GPM6B: variants seen among roughly 807,000 people sequenced by gnomAD.
The protein encoded by GPM6B is neuronal membrane glycoprotein M6-b.
In GPM6B, 4 loss-of-function variants were observed where a neutral mutation model predicts 27.2. The ratio of observed to expected loss-of-function variants is 0.15; its 90% CI spans 0.07 to 0.34. The LOEUF (loss-of-function observed/expected upper bound fraction) is 0.34. GPM6B is among the 10% of genes least tolerant of loss of function. The pLI is 1.00. For synonymous variants in GPM6B, 124 were observed against 103.1 expected (o/e 1.20, Z -1.23); for missense variants, 183 against 261.9 (o/e 0.70, Z 2.08).
intron 1 of GPM6B, among the ~76,000 whole-genome samples, chrX:13,854,876 TCAAC>T (rs2049762397): frequency 8.9e-6 from 1 of 111,863 alleles, no homozygotes; most frequent in East Asian, 2.8e-4. Flanking sequence ...CCAACCTCTC[TCAAC>T]CAATTTTAAC....
chrX:13,825,493 G>A (rs936782383), intron 1 of GPM6B, among the ~76,000 whole-genome samples: 2 of 112,345 alleles, frequency 1.8e-5, no homozygotes, highest in African/African-American at 6.5e-5. Context: ...AAAGATCCAG[G>A]ACAGGGCCCT....
chrX:13,776,905 T>C (rs1159603730), intron 6 of GPM6B, among the ~76,000 whole-genome samples: 1 of 111,632 alleles, frequency 9.0e-6, no homozygotes, highest in Non-Finnish European at 1.9e-5. Flanking sequence ...TGTGGCCTCA[T>C]TTATTAAAAG....
rs554376732 is a variant in GPM6B at position 13,779,855 on chromosome X, C to T, written c.660G>A (p.Thr220=). The change falls in exon 5 of 8, where the codon ACG becomes ACA. Residue 220 remains threonine, a synonymous_variant. Transcript: ENST00000316715. Reference sequence around the variant, plus strand: ...TATCCACACAGATCTGCTCCACACCCGTGGTCCCGTTGGTCTGCGGTGACT... The same window carrying T: ...TATCCACACAGATCTGCTCCACACCTGTGGTCCCGTTGGTCTGCGGTGACT... ...VIKSPQTNGT[T]GVEQICVDIR... is the part of the protein sequence containing the mutation. 11 of 1,192,562 alleles carry T rather than the reference C, an allele frequency of 9.2e-6. No homozygotes were observed. Among genetic ancestry groups the T allele is most frequent in the Admixed American group, 4.4e-5 (2 of 45,578 alleles).
At chrX:13,876,351 G>C (rs1226083183) in intron 1 of GPM6B, among the ~76,000 whole-genome samples, 1 of 112,245 alleles carries the variant, frequency 8.9e-6, no homozygotes, top group Non-Finnish European at 1.9e-5. Flanking sequence ...TTGTTGACTG[G>C]TTATCAAGGA....
intron 1 of GPM6B, among the ~76,000 whole-genome samples, chrX:13,840,711 T>TA (rs1463602913): frequency 1.8e-5 from 2 of 111,347 alleles, no homozygotes; most frequent in Non-Finnish European, 3.8e-5. Flanking sequence ...CCCTTTATAA[T>TA]AGATTCACAT....
rs1450016282 is a variant in GPM6B at position 13,807,653 on chromosome X, G to C, written c.178C>G (p.Pro60Ala). 1 of 1,182,340 alleles carries C rather than the reference G, an allele frequency of 8.5e-7. No individual in the cohort carries two copies. Among genetic ancestry groups the C allele is most frequent in the African/African-American group, 1.8e-5 (1 of 56,560 alleles). The change falls in exon 2 of 8, where the codon CCA becomes GCA. Residue 60 changes from proline (P) to alanine (A), a missense_variant. Coordinates refer to ENST00000316715, the MANE Select transcript of GPM6B (RefSeq NM_001001995.3). ...LGDRASPLSS[P>A]GCFECCIKCL... is the part of the protein sequence containing the mutation. The stretch of plus-strand genomic sequence containing the variant: ...TTCACCCCAAGGCTGTATTTACCTG[G>C]ACTGCTCAAGGGGCTAGCCCTGTCC...
At chrX:13,925,490 C>CTTTTTT (rs57186854) in intron 1 of GPM6B, among the ~76,000 whole-genome samples, 10 of 79,873 alleles carry the variant, frequency 1.3e-4, no homozygotes, top group Admixed American at 1.5e-4. Context: ...CCATGTCTGG[C>CTTTTTT]TTTTTTTTTT....
chrX:13,903,175 C>T (rs763910492), intron 1 of GPM6B, among the ~76,000 whole-genome samples: 1 of 112,097 alleles, frequency 8.9e-6, no homozygotes, highest in Admixed American at 9.4e-5. Flanking sequence ...AGCACCTTGA[C>T]ACCAGGCTTA....
chrX:13,804,916 C>T (rs1265006672), intron 2 of GPM6B, among the ~76,000 whole-genome samples: 1 of 111,220 alleles, frequency 9.0e-6, no homozygotes, highest in Admixed American at 9.5e-5. Flanking sequence ...ATTTAGGACC[C>T]AACAAAATCT....
At chrX:13,874,953 G>A (rs1315354751) in intron 1 of GPM6B, among the ~76,000 whole-genome samples, 1 of 63,542 alleles carries the variant, frequency 1.6e-5, no homozygotes, top group Admixed American at 1.9e-4. Flanking sequence ...CCCCACCCCC[G>A]CTTCAAACTC....
chrX:13,842,462 T>C (rs2049589524), intron 1 of GPM6B, among the ~76,000 whole-genome samples: 1 of 111,739 alleles, frequency 8.9e-6, no homozygotes, highest in Non-Finnish European at 1.9e-5. Context: ...TAGTTCTCAA[T>C]TTCCCCCTGT....
chrX:13,834,904 AT>A (rs2049479040), intron 1 of GPM6B, among the ~76,000 whole-genome samples: 1 of 112,588 alleles, frequency 8.9e-6, no homozygotes, highest in Admixed American at 9.4e-5. Flanking sequence ...CTTAATGGAT[AT>A]TTATCAAGTA....
At chrX:13,824,289 C>T (rs1481551520) in intron 1 of GPM6B, among the ~76,000 whole-genome samples, 2 of 112,312 alleles carry the variant, frequency 1.8e-5, no homozygotes, top group African/African-American at 6.5e-5. Flanking sequence ...TCTTTTCTTC[C>T]GTAAGCTTTG....
chrX:13,897,013 G>C (rs1039172171), intron 1 of GPM6B, among the ~76,000 whole-genome samples: 2 of 112,380 alleles, frequency 1.8e-5, no homozygotes, highest in South Asian at 3.7e-4. Context: ...CACAAATAAA[G>C]AACATTTATT....
chrX:13,817,609 T>C (rs1038508920), upstream of GPM6B, among the ~76,000 whole-genome samples: 3 of 112,628 alleles, frequency 2.7e-5, no homozygotes, highest in Non-Finnish European at 3.8e-5. Context: ...GACGTGCCCA[T>C]AGTCTCTATT....
intron 2 of GPM6B, among the ~76,000 whole-genome samples, chrX:13,807,305 G>A (rs1181525543): frequency 9.0e-6 from 1 of 111,703 alleles, no homozygotes; most frequent in Non-Finnish European, 1.9e-5. Context: ...GATGTGGGTG[G>A]CCCCCCTCCC....
At chrX:13,836,716 T>C (rs1161369819) in intron 1 of GPM6B, among the ~76,000 whole-genome samples, 1 of 112,687 alleles carries the variant, frequency 8.9e-6, no homozygotes, top group Non-Finnish European at 1.9e-5. Flanking sequence ...CTTCAAACGA[T>C]TCACTTTCAT....
At chrX:13,785,263 G>A (rs754393509) in intron 3 of GPM6B, among the ~76,000 whole-genome samples, 10 of 111,591 alleles carry the variant, frequency 9.0e-5, no homozygotes, top group African/African-American at 3.3e-4. Flanking sequence ...AAAACATCAT[G>A]AGGTGGTTGC....
chrX:13,801,442 A>G (rs983222932), intron 2 of GPM6B, among the ~76,000 whole-genome samples: 1 of 112,274 alleles, frequency 8.9e-6, no homozygotes, highest in Non-Finnish European at 1.9e-5. Context: ...CAGTAGATAG[A>G]GTATTGCATT....
Sources: allele counts gnomAD v4.1 joint callset (sites outside exome capture counted in the v4.1 genomes callset), GRCh38; gene constraint gnomAD v4.1.1; transcripts MANE v1.5; gene names NCBI Gene and HGNC (gene_info 2026-07-23, HGNC 2026-07-21).